FAM184A: variants seen among roughly 807,000 people sequenced by gnomAD.
FAM184A encodes the protein family with sequence similarity 184 member A, also known as protein FAM184A.
Under a neutral mutation model 143.8 loss-of-function variants are expected in FAM184A, and 99 were observed. That is an observed-to-expected ratio of 0.69 (90% CI 0.58 to 0.81). The LOEUF (loss-of-function observed/expected upper bound fraction) is 0.81. Ranked by LOEUF, FAM184A falls within the 40% of genes least tolerant of loss-of-function variation. The probability of loss-of-function intolerance (pLI) is 0.00; values close to 1 mark genes in which losing one functional copy is unlikely to be tolerated. For missense variants in FAM184A, 1,217 were observed against 1,310.5 expected (o/e 0.93, Z 1.10); for synonymous variants, 427 against 446.4 (o/e 0.96, Z 0.55).
At chr6:119,071,746 G>A (rs1259756019) in intron 1 of FAM184A, among the ~76,000 whole-genome samples, 7 of 151,970 alleles carry the variant, frequency 4.6e-5, no homozygotes, top group African/African-American at 1.7e-4. Flanking sequence ...AATCTAGAGA[G>A]CTGAATGTGA....
intron 9 of FAM184A, among the ~76,000 whole-genome samples, chr6:118,996,641 G>A (rs1461177573): frequency 1.3e-5 from 2 of 152,108 alleles, no homozygotes; most frequent in African/African-American, 4.8e-5. Context: ...AGGACTCAGA[G>A]CCTTCAGGGT....
intron 1 of FAM184A, among the ~76,000 whole-genome samples, chr6:119,105,354 C>T (rs1788751870): frequency 6.6e-6 from 1 of 151,946 alleles, no homozygotes; most frequent in Non-Finnish European, 1.5e-5. Context: ...GGTGGATTTC[C>T]CCTCTGCTGT....
At chr6:119,132,333 A>G (rs574587582) in intron 1 of FAM184A, among the ~76,000 whole-genome samples, 1 of 152,162 alleles carries the variant, frequency 6.6e-6, no homozygotes, top group Non-Finnish European at 1.5e-5. Flanking sequence ...ATGGTTGCAA[A>G]TGCAATGTAA....
chr6:119,031,640 T>C (rs1272645278), intron 1 of FAM184A: 7 of 152,246 alleles, frequency 4.6e-5, no homozygotes, highest in Admixed American at 4.6e-4. Flanking sequence ...AGTCATAAGA[T>C]AAATTCACTG....
At chr6:119,069,602 T>C (rs979418303) in intron 1 of FAM184A, among the ~76,000 whole-genome samples, 3 of 152,144 alleles carry the variant, frequency 2.0e-5, no homozygotes, top group African/African-American at 7.2e-5. Context: ...CAAGTAACAA[T>C]TTATTCAGAA....
At chr6:118,985,276 G>T (rs1784155143) in intron 9 of FAM184A, among the ~76,000 whole-genome samples, 1 of 152,292 alleles carries the variant, frequency 6.6e-6, no homozygotes, top group East Asian at 1.9e-4. Flanking sequence ...AGAGACACCT[G>T]GGGCAGCTGA....
intron 7 of FAM184A, among the ~76,000 whole-genome samples, chr6:119,004,882 C>G (rs2114644306): frequency 6.6e-6 from 1 of 152,168 alleles, no homozygotes; most frequent in Middle Eastern, 3.4e-3. Flanking sequence ...GCCAGGACAG[C>G]CGGGGGAAAG....
chr6:119,052,792 T>C (rs576162983), intron 1 of FAM184A, among the ~76,000 whole-genome samples: 4 of 152,336 alleles, frequency 2.6e-5, no homozygotes, highest in African/African-American at 9.6e-5. Flanking sequence ...GGTAGAGGCT[T>C]TGTGCAAAAC....
intron 1 of FAM184A, among the ~76,000 whole-genome samples, chr6:119,061,408 T>G (rs1055601536): frequency 1.3e-5 from 2 of 151,818 alleles, no homozygotes; most frequent in African/African-American, 4.8e-5. Context: ...CAGGCTGAAG[T>G]GCAGTGATGC....
intron 2 of FAM184A, among the ~76,000 whole-genome samples, chr6:119,023,368 A>AT (rs1036813039): frequency 5.9e-5 from 9 of 152,056 alleles, no homozygotes; most frequent in East Asian, 3.9e-4. Context: ...GACTTCCGGC[A>AT]TTTTTTTCCC....
In FAM184A at chr6:118,979,356, T is replaced by C. The variant is rs768259618; in HGVS notation, c.2455+9A>G. The C allele has an allele frequency of 6.3e-7, 1 of 1,593,756 alleles. No individual in the cohort carries two copies. Among genetic ancestry groups the C allele is most frequent in the Non-Finnish European group, 8.5e-7 (1 of 1,173,828 alleles). ...TGAATATGACAAGATTGTAATCTTT[T>C]CAAAATACCAAGCATAGCCTTTCCT... On this transcript the variant is annotated intron_variant, in intron 11 of 17. Coordinates refer to ENST00000338891, the MANE Select transcript of FAM184A (RefSeq NM_024581.6).
intron 1 of FAM184A, among the ~76,000 whole-genome samples, chr6:119,032,534 G>C (rs1785920774): frequency 6.8e-6 from 1 of 147,334 alleles, no homozygotes; most frequent in African/African-American, 2.5e-5. Flanking sequence ...AAGAGGGAGA[G>C]GGAGAGGGAG....
At chr6:119,008,349 A>G (rs186839306) in intron 6 of FAM184A, among the ~76,000 whole-genome samples, 86 of 152,320 alleles carry the variant, frequency 5.6e-4, no homozygotes, top group Non-Finnish European at 8.5e-4. Context: ...ACATGGTTTA[A>G]GCTTATCTAG....
Position 119,078,244 on chromosome 6 carries a change from T to A in FAM184A, c.56A>T (p.Lys19Ile). The change falls in exon 1 of 18, where the codon AAA (lysine) becomes ATA (isoleucine). Residue 19 changes from lysine to isoleucine, a missense_variant. Lys to Ile is a moderately radical substitution (Grantham distance 102). Transcript: ENST00000338891. The surrounding 1 kb of genome is among the most constrained non-coding windows in gnomAD (Gnocchi z 5.5). Reference sequence around the variant, plus strand: ...TGCGGTGGCCGGCGAGGGCGCGAATTTGGCCGCCGAGCCGCCGTAATAGTG... The same window carrying A: ...TGCGGTGGCCGGCGAGGGCGCGAATATGGCCGCCGAGCCGCCGTAATAGTG... ...QQHYYGGSAAKFAPSPATAQL... is the reference protein window; with the variant it reads ...QQHYYGGSAAIFAPSPATAQL... 1 of 1,527,966 alleles carries A rather than the reference T, an allele frequency of 6.5e-7. No individual in the cohort carries two copies. The highest frequency in any genetic ancestry group is 8.8e-7 in the Non-Finnish European group (1 of 1,141,238). The allele number at this position is 1,527,966 out of a possible 1,614,324, so 94.7% of individuals were successfully genotyped here. A position where few individuals can be genotyped will look rare whatever the true frequency, so the allele number is the denominator to read the frequency against.
chr6:119,072,892 C>T (rs9489586), intron 1 of FAM184A, among the ~76,000 whole-genome samples: 5,142 of 148,592 alleles, frequency 0.035, 354 homozygotes, highest in African/African-American at 0.074. Flanking sequence ...GATACAATTC[C>T]TAAAAAGTAC....
chr6:119,103,088 G>A (rs569663311), intron 1 of FAM184A, among the ~76,000 whole-genome samples: 1 of 152,258 alleles, frequency 6.6e-6, no homozygotes, highest in Non-Finnish European at 1.5e-5. Flanking sequence ...GCCAGGAATT[G>A]GTTTATGATC....
intron 1 of FAM184A, among the ~76,000 whole-genome samples, chr6:119,050,218 C>T (rs573047676): frequency 3.3e-5 from 5 of 152,180 alleles, no homozygotes; most frequent in Non-Finnish European, 7.4e-5. Context: ...AACACTTATA[C>T]ATTGCTGGTG....
intron 14 of FAM184A, among the ~76,000 whole-genome samples, chr6:118,969,009 G>A (rs910913840): frequency 6.4e-4 from 97 of 152,168 alleles, no homozygotes; most frequent in African/African-American, 2.3e-3. Flanking sequence ...TGTGTCATGG[G>A]AGAAACCTGG....
intron 1 of FAM184A, among the ~76,000 whole-genome samples, chr6:119,095,851 G>A (rs1163035892): frequency 1.3e-5 from 2 of 152,144 alleles, no homozygotes; most frequent in Admixed American, 1.3e-4. Context: ...GAGCCACCAT[G>A]CCCAGACAGG....
Sources: allele counts gnomAD v4.1 joint callset (sites outside exome capture counted in the v4.1 genomes callset), GRCh38; gene constraint gnomAD v4.1.1; non-coding constraint Gnocchi (gnomAD v3.1); transcripts MANE v1.5; gene names NCBI Gene and HGNC (gene_info 2026-07-23, HGNC 2026-07-21).